NME8: variants seen among roughly 807,000 people sequenced by gnomAD.
The protein encoded by NME8 is protein NME8.
NME8 carries 72 observed loss-of-function variants against 82.3 expected under a neutral mutation model. The ratio of observed to expected loss-of-function variants is 0.87; its 90% CI spans 0.72 to 1.06. The LOEUF (loss-of-function observed/expected upper bound fraction) is 1.06. Among genes scored for constraint, NME8 ranks in the 50% least tolerant of loss-of-function variants. NME8 has a pLI of 0.00. For missense variants in NME8, 712 were observed against 685.4 expected (o/e 1.04, Z -0.43); for synonymous variants, 267 against 228.5 (o/e 1.17, Z -1.52).
At chr7:37,873,802 A>G (rs544814310) in intron 11 of NME8, among the ~76,000 whole-genome samples, 17 of 152,374 alleles carry the variant, frequency 1.1e-4, no homozygotes, top group Admixed American at 6.5e-5. Flanking sequence ...GCGCATTATC[A>G]CTAATGTTGA....
At chr7:37,877,044 A>C (rs1381815744) in intron 12 of NME8, 37 bp downstream of exon 12, 1 of 1,533,940 alleles carries the variant, frequency 6.5e-7, no homozygotes, top group African/African-American at 1.4e-5. Flanking sequence ...AGTATTTTAT[A>C]TAGATGAGAT....
chr7:37,855,207 G>A (rs1412775459), intron 5 of NME8, among the ~76,000 whole-genome samples: 1 of 152,070 alleles, frequency 6.6e-6, no homozygotes, highest in Non-Finnish European at 1.5e-5. Context: ...CAATATCAAA[G>A]AACTTTAAAA....
At position 37,896,876 on chromosome 7, in the gene NME8, A is replaced by G. The variant is rs766883337; in HGVS notation, c.1551A>G (p.Pro517=). The G allele has an allele frequency of 6.2e-7, 1 of 1,613,576 alleles. No homozygotes were observed. Among genetic ancestry groups the G allele is most frequent in the Non-Finnish European group, 8.5e-7 (1 of 1,179,592 alleles). Residue 517 remains proline, a synonymous_variant, in exon 17 of 18, where the codon CCA becomes CCG. Transcript: ENST00000199447. ...AAAGCACCGTTCTTTGCAGGGGTCC[A>G]TCTATGGTCATGATTCTGACCAAGT... The part of the protein sequence containing the change: ...KDLLEMLSVG[P]SMVMILTKWN...
At chr7:37,884,851 A>G (rs868655103) in intron 13 of NME8, among the ~76,000 whole-genome samples, 4 of 152,254 alleles carry the variant, frequency 2.6e-5, no homozygotes, top group South Asian at 4.1e-4. Context: ...TGAAATAGCA[A>G]TTGAGGCTGA....
chr7:37,858,689 A>T (rs540869088), intron 6 of NME8, among the ~76,000 whole-genome samples: 4 of 152,146 alleles, frequency 2.6e-5, no homozygotes, highest in Non-Finnish European at 5.9e-5. Flanking sequence ...GGGTAGGTGC[A>T]TGGGAATGAG....
chr7:37,876,018 C>A (rs373227554), intron 11 of NME8, among the ~76,000 whole-genome samples: 2 of 152,078 alleles, frequency 1.3e-5, no homozygotes, highest in East Asian at 1.9e-4. Context: ...CCATCCTGGG[C>A]AACATGGTGA....
rs1385042467 is a variant in NME8 at position 37,896,935 on chromosome 7, G to A, written c.1610G>A (p.Gly537Asp). Reference sequence around the variant, plus strand: ...GTTGCAGAATGGAGACGATTGATGGGCCCAACAGACCCAGAAGAAGCAAAA... The same window carrying A: ...GTTGCAGAATGGAGACGATTGATGGACCCAACAGACCCAGAAGAAGCAAAA... Reference protein sequence around the residue: ...NAVAEWRRLMGPTDPEEAKLL... With the variant: ...NAVAEWRRLMDPTDPEEAKLL... Residue 537 changes from glycine to aspartate, a missense_variant, in exon 17 of 18, where the codon GGC becomes GAC. By Grantham distance (94) the Gly-to-Asp change is moderately conservative. Coordinates refer to ENST00000199447, the MANE Select transcript of NME8 (RefSeq NM_016616.5). 1 of 1,613,760 alleles carries A rather than the reference G, an allele frequency of 6.2e-7. No homozygotes were observed. Among genetic ancestry groups the A allele is most frequent in the East Asian group, 2.2e-5 (1 of 44,848 alleles).
rs1785293852 is a variant in NME8 at position 37,900,239 on chromosome 7, C to T, written c.*16-5C>T. The T allele has an allele frequency of 1.3e-5, 2 of 152,102 alleles. No individual in the cohort carries two copies. Among genetic ancestry groups the T allele is most frequent in the South Asian group, 2.1e-4 (1 of 4,826 alleles). 9.4% of individuals were successfully genotyped at this position (152,102 alleles called of 1,614,324 possible). Reference sequence around the variant, plus strand: ...TTTTATTAAGTGCATTCTTTCTTTTCCTAGAACTTTGAGAAGATAATACAT... The same window carrying T: ...TTTTATTAAGTGCATTCTTTCTTTTTCTAGAACTTTGAGAAGATAATACAT... On this transcript the variant is annotated splice_region_variant and splice_polypyrimidine_tract_variant and intron_variant, in intron 17 of 17. Coordinates refer to ENST00000199447, the MANE Select transcript of NME8 (RefSeq NM_016616.5).
intron 12 of NME8, among the ~76,000 whole-genome samples, chr7:37,877,971 C>A (rs576338888): frequency 2.0e-5 from 3 of 152,270 alleles, no homozygotes; most frequent in African/African-American, 7.2e-5. Flanking sequence ...CCTTTTATTT[C>A]TTTTTCTTTC....
At chr7:37,869,621 G>A (rs554961547) in intron 11 of NME8, among the ~76,000 whole-genome samples, 2 of 152,194 alleles carry the variant, frequency 1.3e-5, no homozygotes, top group South Asian at 4.2e-4. Context: ...CCAGAACAAG[G>A]GCAAGCACTA....
At chr7:37,875,321 G>C (rs1043329076) in intron 11 of NME8, among the ~76,000 whole-genome samples, 8 of 152,096 alleles carry the variant, frequency 5.3e-5, no homozygotes, top group African/African-American at 1.7e-4. Context: ...TAATAATTTT[G>C]TATTAATGTA....
chr7:37,895,683 T>C (rs934717766), intron 16 of NME8, among the ~76,000 whole-genome samples: 10 of 152,140 alleles, frequency 6.6e-5, no homozygotes, highest in African/African-American at 2.2e-4. Context: ...ATGAATCACA[T>C]GTACAGCAGT....
At chr7:37,877,527 C>G (rs745457489) in intron 12 of NME8, among the ~76,000 whole-genome samples, 7 of 152,114 alleles carry the variant, frequency 4.6e-5, no homozygotes, top group Non-Finnish European at 8.8e-5. Context: ...TTTTTTATAT[C>G]TAATATATGG....
intron 10 of NME8, among the ~76,000 whole-genome samples, chr7:37,866,069 CT>C (rs1784671636): frequency 6.6e-6 from 1 of 151,954 alleles, no homozygotes; most frequent in Admixed American, 6.6e-5. Flanking sequence ...CCCACCAACT[CT>C]TTTTTGTCTG....
chr7:37,855,576 T>C (rs903692443), intron 5 of NME8, among the ~76,000 whole-genome samples: 6 of 152,166 alleles, frequency 3.9e-5, no homozygotes, highest in Non-Finnish European at 8.8e-5. Flanking sequence ...GTAGACATCT[T>C]TTCTCCTTAA....
chr7:37,853,590 T>A (rs199795429), intron 5 of NME8, among the ~76,000 whole-genome samples: 39 of 152,270 alleles, frequency 2.6e-4, no homozygotes, highest in East Asian at 2.3e-3. Flanking sequence ...AAAGTGGCAG[T>A]AGACGTTCAC....
Position 37,891,228 on chromosome 7 carries a change from T to C in NME8, c.1399+2800T>C, listed in dbSNP as rs150197757. Among the ~76,000 whole-genome samples the C allele has an allele frequency of 6.9e-4, 105 of 152,114 alleles. No homozygotes were observed. The East Asian group carries it at 0.019, about 27-fold the overall frequency. ...AAAATATTTTCTTGAATTCTGTAGG[T>C]TGTCTCTTCACTCTTGATTTTTTTC... On this transcript the variant is annotated intron_variant, in intron 15 of 17. Coordinates refer to ENST00000199447, the MANE Select transcript of NME8 (RefSeq NM_016616.5).
intron 11 of NME8, among the ~76,000 whole-genome samples, chr7:37,871,567 C>G (rs931152310): frequency 6.6e-6 from 1 of 152,062 alleles, no homozygotes; most frequent in African/African-American, 2.4e-5. Context: ...TGTGTTGATT[C>G]ATTCATCTAG....
At chr7:37,850,144 C>G (rs1167764874) in intron 2 of NME8, 116 bp from the exon 3 acceptor site, 1 of 746,776 alleles carries the variant, frequency 1.3e-6, no homozygotes, top group Non-Finnish European at 2.4e-6. Flanking sequence ...AATATATACA[C>G]CTACTATGTA....
Sources: gnomAD v4.1 joint callset for allele counts (sites outside exome capture counted in the v4.1 genomes callset) on GRCh38, gnomAD v4.1.1 for gene constraint, MANE v1.5 for transcripts, NCBI Gene and HGNC (gene_info 2026-07-23, HGNC 2026-07-21) for gene names.